CLASP2: variants seen among roughly 807,000 people sequenced by gnomAD.
CLASP2 encodes the protein CLIP-associating protein 2.
A neutral mutation model predicts 194.4 loss-of-function variants in CLASP2; 47 were observed. The ratio of observed to expected loss-of-function variants is 0.24; its 90% CI spans 0.19 to 0.31. The LOEUF (loss-of-function observed/expected upper bound fraction) is 0.31. Among genes scored for constraint, CLASP2 ranks in the 10% least tolerant of loss-of-function variants. CLASP2 has a pLI of 1.00. For missense variants in CLASP2, 1,445 were observed against 1,823.6 expected, an observed-to-expected ratio of 0.79 and a Z score of 3.78; for synonymous variants, 619 against 633.5, an observed-to-expected ratio of 0.98 and a Z score of 0.34.
intron 8 of CLASP2, among the ~76,000 whole-genome samples, chr3:33,635,262 T>C (rs1398705473): frequency 6.6e-6 from 1 of 151,446 alleles, no homozygotes; most frequent in Non-Finnish European, 1.5e-5. Flanking sequence ...CGAGACTCTG[T>C]CTCAAAAAAG....
At chr3:33,670,932 C>A (rs1184327674) in intron 6 of CLASP2, among the ~76,000 whole-genome samples, 2 of 152,156 alleles carry the variant, frequency 1.3e-5, no homozygotes, top group East Asian at 3.8e-4. Flanking sequence ...TTCTCCTTAA[C>A]AATGTCTGAC....
At chr3:33,509,704 A>G (rs1410515480) in intron 37 of CLASP2, among the ~76,000 whole-genome samples, 1 of 152,234 alleles carries the variant, frequency 6.6e-6, no homozygotes, top group African/African-American at 2.4e-5. Flanking sequence ...CATTAAAATC[A>G]TATTGTAAAA....
chr3:33,613,478 C>A (rs2075568221), intron 12 of CLASP2, among the ~76,000 whole-genome samples: 1 of 152,224 alleles, frequency 6.6e-6, no homozygotes, highest in Admixed American at 6.5e-5. Context: ...ACTAACAGTT[C>A]TCCTAGCATT....
rs575732270 is a variant in CLASP2, at chr3:33,629,995, T to A, written c.942+2297A>T. Among the ~76,000 whole-genome samples, 59 of 152,160 alleles carry A rather than the reference T, an allele frequency of 3.9e-4. No homozygotes were observed. The South Asian group carries it at 0.012, about 30-fold the overall frequency. ...CCTTGAAATCGTGCAGAAGTAGTTGTTAGAGTACTTAAAAAAGCAAGGAGA... is the reference window on the plus strand; with the variant it reads ...CCTTGAAATCGTGCAGAAGTAGTTGATAGAGTACTTAAAAAAGCAAGGAGA... On this transcript the variant is annotated intron_variant, in intron 9 of 38. Transcript: ENST00000682230.
At chr3:33,547,555 G>A (rs964570996) in intron 30 of CLASP2, among the ~76,000 whole-genome samples, 1 of 152,084 alleles carries the variant, frequency 6.6e-6, no homozygotes, top group Admixed American at 6.6e-5. Flanking sequence ...GAAGATTAAG[G>A]CATTCATATT....
At chr3:33,525,662 G>A (rs2054338056) in intron 34 of CLASP2, among the ~76,000 whole-genome samples, 1 of 152,228 alleles carries the variant, frequency 6.6e-6, no homozygotes, top group Non-Finnish European at 1.5e-5. Context: ...ACTATGTGGA[G>A]TCTTGGCAGA....
intron 28 of CLASP2, among the ~76,000 whole-genome samples, chr3:33,560,234 T>C (rs2154177547): frequency 6.6e-6 from 1 of 152,160 alleles, no homozygotes; most frequent in African/African-American, 2.4e-5. Flanking sequence ...ACTTCGCTGA[T>C]ACTTCTTTTT....
chr3:33,593,737 A>G (rs923683119), intron 20 of CLASP2, among the ~76,000 whole-genome samples: 1 of 152,216 alleles, frequency 6.6e-6, no homozygotes, highest in Non-Finnish European at 1.5e-5. Context: ...TTATTTTTGA[A>G]ATGGAGAATT....
intron 10 of CLASP2, among the ~76,000 whole-genome samples, chr3:33,625,033 C>T (rs2154284159): frequency 6.6e-6 from 1 of 151,988 alleles, no homozygotes; most frequent in African/African-American, 2.4e-5. Flanking sequence ...CAACTCTTTA[C>T]CCAACAACCC....
chr3:33,596,607 TTAA>T, intron 19 of CLASP2, 101 bp downstream of exon 19: 1 of 806,822 alleles, frequency 1.2e-6, no homozygotes, highest in Non-Finnish European at 2.0e-6. Flanking sequence ...TAAATAAGTA[TTAA>T]TAATATATTT....
At chr3:33,638,552 C>T (rs1345357317) in intron 8 of CLASP2, among the ~76,000 whole-genome samples, 3 of 152,142 alleles carry the variant, frequency 2.0e-5, no homozygotes, top group Admixed American at 6.5e-5. Context: ...GTTAGCCGCC[C>T]GCCTAGGCCT....
chr3:33,571,257 C>T (rs529289983), intron 25 of CLASP2, among the ~76,000 whole-genome samples: 106 of 151,376 alleles, frequency 7.0e-4, no homozygotes, highest in Non-Finnish European at 1.1e-3. Context: ...TCATGATCCG[C>T]CCGCCTCAGC....
chr3:33,649,549 C>T (rs532198839), intron 7 of CLASP2, among the ~76,000 whole-genome samples: 7 of 151,974 alleles, frequency 4.6e-5, no homozygotes, highest in East Asian at 3.9e-4. Context: ...AATTTTTATA[C>T]GTAATAAAAG....
chr3:33,693,225 C>G (rs2154349323), intron 2 of CLASP2, among the ~76,000 whole-genome samples: 1 of 152,148 alleles, frequency 6.6e-6, no homozygotes, highest in Admixed American at 6.5e-5. Flanking sequence ...AGCTCATACT[C>G]TTTTTGGAAC....
chr3:33,669,490 A>G (rs1186490665), intron 6 of CLASP2, among the ~76,000 whole-genome samples: 1 of 152,160 alleles, frequency 6.6e-6, no homozygotes, highest in Non-Finnish European at 1.5e-5. Flanking sequence ...ACAGAGTGAG[A>G]GAAGATACTT....
At chr3:33,603,182 A>G in intron 17 of CLASP2, 57 bp from the exon 18 acceptor site, 1 of 1,466,456 alleles carries the variant, frequency 6.8e-7, no homozygotes, top group Non-Finnish European at 9.1e-7. Context: ...AAACATGAAA[A>G]TTATATAAAC....
At chr3:33,710,030 T>C (rs2092923378) in intron 1 of CLASP2, among the ~76,000 whole-genome samples, 1 of 152,226 alleles carries the variant, frequency 6.6e-6, no homozygotes. Flanking sequence ...ATCTGTGATT[T>C]GTGACACAGT....
intron 21 of CLASP2, among the ~76,000 whole-genome samples, chr3:33,586,482 G>C (rs1560168286): frequency 1.3e-5 from 2 of 152,078 alleles, no homozygotes; most frequent in Admixed American, 1.3e-4. Flanking sequence ...ATGTGGTCAG[G>C]AACACAGGTA....
At chr3:33,533,906 G>A (rs974540224) in intron 34 of CLASP2, among the ~76,000 whole-genome samples, 21 of 152,092 alleles carry the variant, frequency 1.4e-4, no homozygotes, top group African/African-American at 5.1e-4. Context: ...TAGTAGAGAA[G>A]TTTTCACTAT....
Sources: gnomAD v4.1 joint callset for allele counts (sites outside exome capture counted in the v4.1 genomes callset) on GRCh38, gnomAD v4.1.1 for gene constraint, MANE v1.5 for transcripts, NCBI Gene and HGNC (gene_info 2026-07-23, HGNC 2026-07-21) for gene names.